INSM2: variants seen among roughly 807,000 people sequenced by gnomAD.
INSM2 encodes the protein INSM transcriptional repressor 2.
A neutral mutation model predicts 30.5 loss-of-function variants in INSM2; 12 were observed. The observed-to-expected ratio is 0.39, with a 90% CI of 0.25 to 0.64. The LOEUF (loss-of-function observed/expected upper bound fraction) is 0.64. Among genes scored for constraint, INSM2 ranks in the 30% least tolerant of loss-of-function variants. The pLI is 0.47. For synonymous variants in INSM2, 418 were observed against 383.7 expected, an observed-to-expected ratio of 1.09 and a Z score of -1.05; for missense variants, 773 against 819.2, an observed-to-expected ratio of 0.94 and a Z score of 0.69.
At position 35,534,289 on chromosome 14, in the gene INSM2, A is replaced by T. The variant is rs1182349907; in HGVS notation, c.37A>T (p.Thr13Ser). 1 of 1,595,114 alleles carries T rather than the reference A, an allele frequency of 6.3e-7. No homozygotes were observed. Among genetic ancestry groups the T allele is most frequent in the Admixed American group, 1.7e-5 (1 of 59,104 alleles). Residue 13 changes from threonine to serine, a missense_variant, in exon 1 of 1, where the codon ACA (threonine) becomes TCA (serine). Coordinates refer to ENST00000307169, the MANE Select transcript of INSM2 (RefSeq NM_032594.4). ...RGFLVKRTKR[T>S]GGLYRVRLAE... is the part of the protein sequence containing the mutation. ...ATTCCTGGTGAAGCGAACTAAACGG[A>T]CAGGCGGCTTGTACCGAGTTCGCCT...
rs757584631 is a variant in INSM2, at chr14:35,534,852, C to T, written c.600C>T (p.Arg200=). The T allele has an allele frequency of 1.3e-6, 2 of 1,544,892 alleles. No individual in the cohort carries two copies. The highest frequency in any genetic ancestry group is 1.7e-6 in the Non-Finnish European group (2 of 1,153,812). ...SLKRAAGGER[R]GKAPTDCASG... is the part of the protein sequence containing the mutation. ...AGCGGGCGGCCGGCGGCGAGCGCCG[C>T]GGCAAGGCACCCACGGACTGCGCGT... is the stretch of plus-strand genomic sequence containing the variant. The change falls in exon 1 of 1, where the codon CGC becomes CGT. Residue 200 remains arginine (R), a synonymous_variant. Coordinates refer to ENST00000307169, the MANE Select transcript of INSM2 (RefSeq NM_032594.4).
chr14:35,535,240 G>A lies in INSM2; in HGVS notation c.988G>A (p.Gly330Arg). The part of the protein sequence containing the change: ...ANAATVSSAD[G>R]KPPSSSSSSS... Reference sequence around the variant, plus strand: ...CGCCGCCACAGTCTCCTCCGCCGACGGGAAGCCGCCTTCTTCGTCGTCTTC... The same window carrying A: ...CGCCGCCACAGTCTCCTCCGCCGACAGGAAGCCGCCTTCTTCGTCGTCTTC... Residue 330 changes from glycine (G) to arginine (R), a missense_variant, in exon 1 of 1, where the codon GGG becomes AGG. Transcript: ENST00000307169. The A allele has an allele frequency of 6.2e-7, 1 of 1,613,530 alleles. No individual in the cohort carries two copies. Among genetic ancestry groups the A allele is most frequent in the East Asian group, 2.2e-5 (1 of 44,870 alleles).
Position 35,535,770 on chromosome 14 carries a change from T to C in INSM2, c.1518T>C (p.Ala506=), listed in dbSNP as rs2053594678. 6.2e-7 allele frequency: 1 copy of C among 1,613,208 alleles called. No individual in the cohort carries two copies. Among genetic ancestry groups the C allele is most frequent in the Non-Finnish European group, 8.5e-7 (1 of 1,179,894 alleles). ...TGCTCCTGCCCGCTCTGGCGGGGGC[T>C]CCTCCCGAAACGTCGGGCCCTAGCG... ...EELLLPALAG[A]PPETSGPSGP... is the part of the protein sequence containing the mutation. Residue 506 remains alanine, a synonymous_variant, in exon 1 of 1, where the codon GCT becomes GCC. Transcript: ENST00000307169.
chr14:35,534,855 C>T lies in INSM2; in HGVS notation c.603C>T (p.Gly201=), dbSNP rs750592047. Residue 201 remains glycine, a synonymous_variant, in exon 1 of 1, where the codon GGC becomes GGT. Transcript: ENST00000307169. ...GGGCGGCCGGCGGCGAGCGCCGCGG[C>T]AAGGCACCCACGGACTGCGCGTCTG... ...LKRAAGGERR[G]KAPTDCASGP... 1 of 1,552,138 alleles carries T rather than the reference C, an allele frequency of 6.4e-7. No homozygotes were observed. The highest frequency in any genetic ancestry group is 8.6e-7 in the Non-Finnish European group (1 of 1,156,938).
rs563534048 is a variant in INSM2, at chr14:35,536,094, T to C, written c.*141T>C. 6.8e-6 allele frequency: 7 copies of C among 1,035,388 alleles called. No homozygotes were observed. Among genetic ancestry groups the C allele is most frequent in the South Asian group, 6.5e-5 (4 of 61,810 alleles). The allele number at this position is 1,035,388 out of a possible 1,614,324, so 64.1% of individuals were successfully genotyped here. A position where few individuals can be genotyped will look rare whatever the true frequency, so the allele number is the denominator to read the frequency against. The stretch of plus-strand genomic sequence containing the variant: ...CCCCTAAAATTCTCCCTGTAGTCAA[T>C]GTTCCACCAGAGGAGCGGACAGTGA... On this transcript the variant is annotated 3_prime_UTR_variant, in exon 1 of 1. Transcript: ENST00000307169.
In INSM2 at chr14:35,535,343, A is replaced by G. The variant is rs769713703; in HGVS notation, c.1091A>G (p.Asp364Gly). Residue 364 changes from aspartate (D) to glycine (G), a missense_variant, in exon 1 of 1, where the codon GAT (aspartate) becomes GGT (glycine). By Grantham distance (94) the Asp-to-Gly change is moderately conservative (BLOSUM62 -1). Coordinates refer to ENST00000307169, the MANE Select transcript of INSM2 (RefSeq NM_032594.4). ...KENSRIERTADQHPQARDSSG... is the reference protein window; with the variant it reads ...KENSRIERTAGQHPQARDSSG... ...AACAGCCGAATAGAGCGGACTGCGGATCAGCACCCGCAGGCCAGGGACAGC... is the reference window on the plus strand; with the variant it reads ...AACAGCCGAATAGAGCGGACTGCGGGTCAGCACCCGCAGGCCAGGGACAGC... The G allele has an allele frequency of 3.1e-6, 5 of 1,610,622 alleles. No homozygotes were observed. The highest frequency in any genetic ancestry group is 1.7e-5 in the Admixed American group (1 of 59,916).
In INSM2 at chr14:35,535,454, C is replaced by T. The variant is rs763548995; in HGVS notation, c.1202C>T (p.Pro401Leu). The change falls in exon 1 of 1, where the codon CCC becomes CTC. Residue 401 changes from proline (P) to leucine (L), a missense_variant. Pro to Leu is a moderately conservative substitution (Grantham distance 98). Transcript: ENST00000307169. ...CCAGAGCCACCGCTGCCTCAGGGCC[C>T]CTACACGGAGGGGGTGTTGGGGCGC... ...THPEPPLPQGPYTEGVLGRRV... is the reference protein window; with the variant it reads ...THPEPPLPQGLYTEGVLGRRV... The T allele has an allele frequency of 1.7e-5, 28 of 1,612,888 alleles. No individual in the cohort carries two copies. In the South Asian group the frequency reaches 2.9e-4, roughly 16 times the overall value.
rs1368557763 is a variant in INSM2 at position 35,534,699 on chromosome 14, C to T, written c.447C>T (p.Ser149=). The T allele has an allele frequency of 7.1e-7, 1 of 1,404,988 alleles. No homozygotes were observed. Among genetic ancestry groups the T allele is most frequent in the Middle Eastern group, 2.5e-4 (1 of 4,062 alleles). The allele number at this position is 1,404,988 out of a possible 1,614,324, so 87.0% of individuals were successfully genotyped here. The change falls in exon 1 of 1, where the codon TCC becomes TCT. Residue 149 remains serine, a synonymous_variant. Coordinates refer to ENST00000307169, the MANE Select transcript of INSM2 (RefSeq NM_032594.4). ...PGGAAAVAAF[S]CSVAPAAAPT... ...GCGCCGCCGCCGTGGCCGCTTTCTC[C>T]TGCTCCGTGGCGCCAGCAGCCGCAC...
rs1276346609 is a variant in INSM2 at position 35,535,467 on chromosome 14, G to T, written c.1215G>T (p.Gly405=). Residue 405 remains glycine (G), a synonymous_variant, in exon 1 of 1, where the codon GGG becomes GGT. Coordinates refer to ENST00000307169, the MANE Select transcript of INSM2 (RefSeq NM_032594.4). ...TGCCTCAGGGCCCCTACACGGAGGG[G>T]GTGTTGGGGCGCCGGGTACCTGTGC... The part of the protein sequence containing the change: ...PPLPQGPYTE[G]VLGRRVPVPG... 1 of 1,613,132 alleles carries T rather than the reference G, an allele frequency of 6.2e-7. No homozygotes were observed. The highest frequency in any genetic ancestry group is 1.7e-5 in the Admixed American group (1 of 60,030).
Position 35,535,518 on chromosome 14 carries a change from A to T in INSM2, c.1266A>T (p.Gly422=). ...PVPGSTSGGR[G]SEIFVCPYCH... Reference sequence around the variant, plus strand: ...CGGGCAGTACCAGTGGTGGCAGGGGATCCGAGATTTTCGTGTGCCCATATT... The same window carrying T: ...CGGGCAGTACCAGTGGTGGCAGGGGTTCCGAGATTTTCGTGTGCCCATATT... Residue 422 remains glycine (G), a synonymous_variant, in exon 1 of 1, where the codon GGA becomes GGT. Transcript: ENST00000307169. 2.5e-6 allele frequency: 4 copies of T among 1,613,224 alleles called. No individual in the cohort carries two copies. The highest frequency in any genetic ancestry group is 3.4e-6 in the Non-Finnish European group (4 of 1,179,964).
rs2053576870 is a variant in INSM2, at chr14:35,534,240, T to C, written c.-13T>C. ...CCCCTTTCCTCTTGTCCCAGAGCGC[T>C]CTCGACTCCACCATGCCAAGGGGAT... On this transcript the variant is annotated 5_prime_UTR_variant, in exon 1 of 1. Coordinates refer to ENST00000307169, the MANE Select transcript of INSM2 (RefSeq NM_032594.4). 4 of 1,583,992 alleles carry C rather than the reference T, an allele frequency of 2.5e-6. No individual in the cohort carries two copies. Among genetic ancestry groups the C allele is most frequent in the African/African-American group, 2.8e-5 (2 of 71,050 alleles).
rs762167930 is a variant in INSM2 at position 35,535,010 on chromosome 14, T to TG, written c.764dup (p.Ser256GlnfsTer40). ...GAGCCCGGAGCGCCGTCCCGGGGCT[T>TG]GGGGGGCAGCCGCACGCCACTGGGG... is the stretch of plus-strand genomic sequence containing the variant. On this transcript the variant is annotated frameshift_variant, in exon 1 of 1. Transcript: ENST00000307169. LOFTEE classifies it high-confidence loss of function. The TG allele has an allele frequency of 1.3e-6, 2 of 1,572,666 alleles. No individual in the cohort carries two copies. The highest frequency in any genetic ancestry group is 8.6e-7 in the Non-Finnish European group (1 of 1,160,230).
chr14:35,534,747 G>T lies in INSM2; in HGVS notation c.495G>T (p.Leu165=), dbSNP rs747445312. ...CACCGACCCCGGGGGAGCAGTTTCT[G>T]CTGCCGCTTCGGGCGCCGTTCCCAG... is the stretch of plus-strand genomic sequence containing the variant. The part of the protein sequence containing the change: ...AAAPTPGEQF[L]LPLRAPFPEP... The change falls in exon 1 of 1, where the codon CTG becomes CTT. Residue 165 remains leucine, a synonymous_variant. Coordinates refer to ENST00000307169, the MANE Select transcript of INSM2 (RefSeq NM_032594.4). The T allele has an allele frequency of 1.6e-5, 22 of 1,402,316 alleles. No homozygotes were observed. In the African/African-American group the frequency reaches 3.4e-4, roughly 21 times the overall value. 86.9% of individuals were successfully genotyped at this position (1,402,316 alleles called of 1,614,324 possible).
chr14:35,536,149 G>A lies in INSM2; in HGVS notation c.*196G>A. The A allele has an allele frequency of 1.6e-6, 1 of 620,538 alleles. No individual in the cohort carries two copies. Among genetic ancestry groups the A allele is most frequent in the Non-Finnish European group, 2.8e-6 (1 of 354,890 alleles). The allele number at this position is 620,538 out of a possible 1,614,324, so 38.4% of individuals were successfully genotyped here. A position where few individuals can be genotyped will look rare whatever the true frequency, so the allele number is the denominator to read the frequency against. On this transcript the variant is annotated 3_prime_UTR_variant, in exon 1 of 1. Transcript: ENST00000307169. ...TAATATCCCTCTCTAGAGCAGGTAT[G>A]TATATGGTATAAACCTTGAGATCAA...
In INSM2 at chr14:35,536,996, C is replaced by G. The variant is rs1222047078; in HGVS notation, c.*1043C>G. ...GTTTGGGACATTGGCTGAGCACTGC[C>G]TGACAGAAAGCCCGTATTTGTAAGA... On this transcript the variant is annotated 3_prime_UTR_variant, in exon 1 of 1. Transcript: ENST00000307169. 1.8e-5 allele frequency: 3 copies of G among 167,016 alleles called. No homozygotes were observed. The allele number at this position is 167,016 out of a possible 1,614,324, so 10.3% of individuals were successfully genotyped here.
Position 35,534,575 on chromosome 14 carries a change from C to T in INSM2, c.323C>T (p.Pro108Leu). The T allele has an allele frequency of 2.8e-6, 4 of 1,429,178 alleles. No homozygotes were observed. Among genetic ancestry groups the T allele is most frequent in the Non-Finnish European group, 3.6e-6 (4 of 1,101,832 alleles). 88.5% of individuals were successfully genotyped at this position (1,429,178 alleles called of 1,614,324 possible). A position where few individuals can be genotyped will look rare whatever the true frequency, so the allele number is the denominator to read the frequency against. Residue 108 changes from proline (P) to leucine (L), a missense_variant, in exon 1 of 1, where the codon CCC becomes CTC. By Grantham distance (98) the Pro-to-Leu change is moderately conservative (BLOSUM62 -3). Coordinates refer to ENST00000307169, the MANE Select transcript of INSM2 (RefSeq NM_032594.4). ...GAAGGTCCCGGGCCCAGCCCCAGCCCCAGCCCCAGTCCAGCGAAGCCGGCA... is the reference window on the plus strand; with the variant it reads ...GAAGGTCCCGGGCCCAGCCCCAGCCTCAGCCCCAGTCCAGCGAAGCCGGCA... ...GREGPGPSPS[P>L]SPSPAKPAGA... is the part of the protein sequence containing the mutation.
rs372506238 is a variant in INSM2, at chr14:35,534,341, G to A, written c.89G>A (p.Gly30Glu). Residue 30 changes from glycine to glutamate, a missense_variant, in exon 1 of 1, where the codon GGG (glycine) becomes GAG (glutamate). Transcript: ENST00000307169. Reference sequence around the variant, plus strand: ...GCGGAGCGTGTCTTCCCTCTGCTGGGGCCCCAGGGGGCGCCGCCCTTCTTG... The same window carrying A: ...GCGGAGCGTGTCTTCCCTCTGCTGGAGCCCCAGGGGGCGCCGCCCTTCTTG... Reference protein sequence around the residue: ...RLAERVFPLLGPQGAPPFLEE... With the variant: ...RLAERVFPLLEPQGAPPFLEE... 15 of 1,580,940 alleles carry A rather than the reference G, an allele frequency of 9.5e-6. No homozygotes were observed. The highest frequency in any genetic ancestry group is 1.3e-5 in the Non-Finnish European group (15 of 1,166,052).
Position 35,534,899 on chromosome 14 carries a change from T to A in INSM2, c.647T>A (p.Ile216Asn). Reference sequence around the variant, plus strand: ...GCGTCTGGACCCGCGGCCGCGGGAATCAAGAAGCCAAAGGCCATGAGGAAG... The same window carrying A: ...GCGTCTGGACCCGCGGCCGCGGGAAACAAGAAGCCAAAGGCCATGAGGAAG... ...DCASGPAAAG[I>N]KKPKAMRKLS... is the part of the protein sequence containing the mutation. The change falls in exon 1 of 1, where the codon ATC (isoleucine) becomes AAC (asparagine). Residue 216 changes from isoleucine to asparagine, a missense_variant. Coordinates refer to ENST00000307169, the MANE Select transcript of INSM2 (RefSeq NM_032594.4). 6.3e-7 allele frequency: 1 copy of A among 1,590,800 alleles called. No homozygotes were observed.
Position 35,535,775 on chromosome 14 carries a change from C to T in INSM2, c.1523C>T (p.Pro508Leu). ...CTGCCCGCTCTGGCGGGGGCTCCTCCCGAAACGTCGGGCCCTAGCGGGCCA... is the reference window on the plus strand; with the variant it reads ...CTGCCCGCTCTGGCGGGGGCTCCTCTCGAAACGTCGGGCCCTAGCGGGCCA... ...LLLPALAGAP[P>L]ETSGPSGPSD... The change falls in exon 1 of 1, where the codon CCC becomes CTC. Residue 508 changes from proline (P) to leucine (L), a missense_variant. By Grantham distance (98) the Pro-to-Leu change is moderately conservative. Transcript: ENST00000307169. The T allele has an allele frequency of 6.2e-7, 1 of 1,613,396 alleles. No individual in the cohort carries two copies.
Sources: allele counts gnomAD v4.1 joint callset, GRCh38; gene constraint gnomAD v4.1.1; transcripts MANE v1.5; gene names NCBI Gene and HGNC (gene_info 2026-07-23, HGNC 2026-07-21).